Variants in PTPRK observed in about 807,000 individuals in gnomAD.
PTPRK encodes the protein protein tyrosine phosphatase receptor type K.
PTPRK carries 75 observed loss-of-function variants against 178.0 expected under a neutral mutation model. That is an observed-to-expected ratio of 0.42 (90% confidence interval 0.35 to 0.51). The LOEUF (loss-of-function observed/expected upper bound fraction) is 0.51. Among genes scored for constraint, PTPRK ranks in the 20% least tolerant of loss-of-function variants. The pLI, the probability that PTPRK is intolerant of heterozygous loss-of-function variation, is 0.02. For missense variants in PTPRK, 1,441 were observed against 1,797.8 expected (o/e 0.80, Z 3.59); for synonymous variants, 637 against 620.6 (o/e 1.03, Z -0.39).
chr6:128,476,025 A>C (rs774403958), intron 1 of PTPRK, among the ~76,000 whole-genome samples: 1 of 152,026 alleles, frequency 6.6e-6, no homozygotes, highest in Non-Finnish European at 1.5e-5. Context: ...TTTAGAAAGG[A>C]TATCTTACCA....
At chr6:128,160,852 A>G (rs1798607863) in intron 7 of PTPRK, among the ~76,000 whole-genome samples, 1 of 151,674 alleles carries the variant, frequency 6.6e-6, no homozygotes, top group Non-Finnish European at 1.5e-5. Flanking sequence ...TGAACTTAAT[A>G]CTAAAATAAT....
Position 128,397,693 on chromosome 6 carries a change from G to A in PTPRK, c.101-5C>T. On this transcript the variant is annotated splice_polypyrimidine_tract_variant and splice_region_variant and intron_variant, in intron 1 of 29. Coordinates refer to ENST00000368226, the MANE Select transcript of PTPRK (RefSeq NM_002844.4). ...CATCATCAAAAGTACAGCCACCTAG[G>A]AGAAAAGAAGACTACTGTTACATTC... The A allele has an allele frequency of 1.9e-6, 3 of 1,612,334 alleles. No homozygotes were observed. Among genetic ancestry groups the A allele is most frequent in the Non-Finnish European group, 2.5e-6 (3 of 1,178,678 alleles).
At chr6:128,072,050 C>G (rs1782918674) in intron 11 of PTPRK, among the ~76,000 whole-genome samples, 1 of 151,938 alleles carries the variant, frequency 6.6e-6, no homozygotes. Context: ...CTAGCTAGAT[C>G]TAAATATTAG....
chr6:128,365,479 T>C (rs1835351061), intron 2 of PTPRK, among the ~76,000 whole-genome samples: 1 of 152,102 alleles, frequency 6.6e-6, no homozygotes, highest in Admixed American at 6.6e-5. Context: ...GAATAAAAAC[T>C]TAGATTATAA....
At chr6:128,339,794 G>A (rs1227626955) in intron 2 of PTPRK, among the ~76,000 whole-genome samples, 1 of 152,144 alleles carries the variant, frequency 6.6e-6, no homozygotes, top group Non-Finnish European at 1.5e-5. Context: ...GAAACAGCTT[G>A]ACCCTAAGGA....
intron 3 of PTPRK, among the ~76,000 whole-genome samples, chr6:128,277,468 A>G (rs989333935): frequency 6.6e-6 from 1 of 152,178 alleles, no homozygotes; most frequent in Admixed American, 6.6e-5. Flanking sequence ...AGTTAAAGAG[A>G]AGAGAGGTCA....
intron 1 of PTPRK, among the ~76,000 whole-genome samples, chr6:128,485,595 G>A (rs974873919): frequency 2.6e-5 from 4 of 152,112 alleles, no homozygotes; most frequent in African/African-American, 9.7e-5. Context: ...GCAAATAAAA[G>A]AAGACTATTT....
At chr6:128,321,441 A>G (rs1828774801) in intron 3 of PTPRK, 1 of 232,852 alleles carries the variant, frequency 4.3e-6, no homozygotes, top group East Asian at 1.4e-4. Context: ...TCATAATTCA[A>G]TGAATCATTT....
At chr6:128,047,677 T>C (rs1358538703) in intron 13 of PTPRK, among the ~76,000 whole-genome samples, 1 of 152,176 alleles carries the variant, frequency 6.6e-6, no homozygotes, top group African/African-American at 2.4e-5. Context: ...TTTAAGTGCT[T>C]TCTTGCAATC....
chr6:128,081,411 A>T (rs564392034), intron 10 of PTPRK, among the ~76,000 whole-genome samples: 42 of 152,158 alleles, frequency 2.8e-4, no homozygotes, highest in Middle Eastern at 3.4e-3. Flanking sequence ...ACAAATTTTT[A>T]AAGTTTGTAT....
intron 25 of PTPRK, among the ~76,000 whole-genome samples, chr6:127,979,953 C>T (rs190528721): frequency 9.9e-5 from 15 of 152,180 alleles, no homozygotes; most frequent in Admixed American, 3.3e-4. Flanking sequence ...CCAAGGTGGG[C>T]GGATCATGAG....
chr6:128,370,761 G>A (rs1001018346), intron 2 of PTPRK, among the ~76,000 whole-genome samples: 41 of 152,186 alleles, frequency 2.7e-4, no homozygotes, highest in Non-Finnish European at 4.9e-4. Context: ...AGCACGCTTA[G>A]CTTATTACTT....
At chr6:128,017,793 T>C (rs1779758315) in intron 13 of PTPRK, among the ~76,000 whole-genome samples, 1 of 60,146 alleles carries the variant, frequency 1.7e-5, no homozygotes, top group African/African-American at 6.4e-5. Flanking sequence ...TATAAATAAA[T>C]ATATATGTGT....
At chr6:128,441,022 A>G (rs1253069363) in intron 1 of PTPRK, among the ~76,000 whole-genome samples, 2 of 152,194 alleles carry the variant, frequency 1.3e-5, no homozygotes, top group African/African-American at 4.8e-5. Flanking sequence ...AAACAACAGC[A>G]TATAAGAATT....
At chr6:128,030,147 G>A (rs923200317) in intron 13 of PTPRK, among the ~76,000 whole-genome samples, 1 of 152,152 alleles carries the variant, frequency 6.6e-6, no homozygotes, top group Non-Finnish European at 1.5e-5. Context: ...GCTGGGAGAT[G>A]GGCACATAAG....
chr6:128,324,373 T>C (rs995244168), intron 2 of PTPRK, among the ~76,000 whole-genome samples: 3 of 152,164 alleles, frequency 2.0e-5, no homozygotes, highest in Non-Finnish European at 2.9e-5. Context: ...CACATTTTAA[T>C]TATATAGCAT....
chr6:128,230,529 C>A (rs1270069006), intron 5 of PTPRK, among the ~76,000 whole-genome samples: 1 of 152,026 alleles, frequency 6.6e-6, no homozygotes, highest in Non-Finnish European at 1.5e-5. Context: ...GATGTTTACC[C>A]GATATTGAGT....
chr6:128,209,080 AC>A lies in PTPRK; in HGVS notation c.868+9841del, dbSNP rs760500099. Among the ~76,000 whole-genome samples the A allele has an allele frequency of 4.1e-5, 6 of 147,822 alleles. No homozygotes were observed. In the South Asian group the frequency reaches 8.6e-4, roughly 21 times the overall value. ...TTGACTCATTCTTTCTACCATAACC[AC>A]CCCCCCCAGGAACACTTATCACTTA... On this transcript the variant is annotated intron_variant, in intron 6 of 29. Coordinates refer to ENST00000368226, the MANE Select transcript of PTPRK (RefSeq NM_002844.4).
chr6:128,457,104 T>C (rs116826087), intron 1 of PTPRK, among the ~76,000 whole-genome samples: 1,652 of 152,194 alleles, frequency 0.011, 37 homozygotes, highest in African/African-American at 0.038. Context: ...GCAGATGGGC[T>C]GACAAGGGGG....
Sources: gnomAD v4.1 joint callset for allele counts (sites outside exome capture counted in the v4.1 genomes callset) on GRCh38, gnomAD v4.1.1 for gene constraint, MANE v1.5 for transcripts, NCBI Gene and HGNC (gene_info 2026-07-23, HGNC 2026-07-21) for gene names.